Variants in DPY19L4 observed in about 807,000 individuals in gnomAD.
DPY19L4 encodes the protein probable C-mannosyltransferase DPY19L4.
In DPY19L4, 97 loss-of-function variants were observed where a neutral mutation model predicts 102.8. That is an observed-to-expected ratio of 0.94 (90% CI 0.80 to 1.12). The LOEUF (loss-of-function observed/expected upper bound fraction) is 1.12. Among genes scored for constraint, DPY19L4 ranks in the 50% most tolerant of loss-of-function variants. DPY19L4 has a pLI of 0.00. For missense variants in DPY19L4, 815 were observed against 850.4 expected (o/e 0.96, Z 0.52); for synonymous variants, 252 against 283.1 (o/e 0.89, Z 1.10).
intron 13 of DPY19L4, among the ~76,000 whole-genome samples, chr8:94,771,688 G>A (rs921684451): frequency 6.6e-6 from 1 of 152,226 alleles, no homozygotes; most frequent in Non-Finnish European, 1.5e-5. Flanking sequence ...TGCAGGTAGA[G>A]GGAATGGCAT....
intron 1 of DPY19L4, among the ~76,000 whole-genome samples, chr8:94,721,382 A>G (rs1290597538): frequency 6.6e-6 from 1 of 152,216 alleles, no homozygotes; most frequent in Non-Finnish European, 1.5e-5. Flanking sequence ...CTTGGTTCAT[A>G]TTTGTTTCCA....
At chr8:94,765,927 A>G (rs1812654604) in intron 10 of DPY19L4, 118 bp downstream of exon 10, 2 of 623,162 alleles carry the variant, frequency 3.2e-6, no homozygotes. Context: ...TATAATTTTG[A>G]GTTAAACAAC....
intron 7 of DPY19L4, among the ~76,000 whole-genome samples, chr8:94,758,027 G>A (rs1586370594): frequency 6.6e-6 from 1 of 151,962 alleles, no homozygotes; most frequent in African/African-American, 2.4e-5. Flanking sequence ...TGGGAGAATC[G>A]CTTGAACCCG....
intron 5 of DPY19L4, 42 bp from the exon 6 acceptor site, chr8:94,739,603 G>A (rs1563579738): frequency 1.2e-6 from 2 of 1,605,268 alleles, no homozygotes; most frequent in Non-Finnish European, 1.7e-6. Context: ...ATTATTTAAT[G>A]CCATCCTATT....
intron 6 of DPY19L4, among the ~76,000 whole-genome samples, chr8:94,745,598 G>T (rs1811636749): frequency 6.6e-6 from 1 of 152,118 alleles, no homozygotes; most frequent in Non-Finnish European, 1.5e-5. Flanking sequence ...TGATTCTGTG[G>T]TGATGATGTT....
intron 2 of DPY19L4, among the ~76,000 whole-genome samples, chr8:94,728,650 C>T (rs1005166589): frequency 1.3e-5 from 2 of 152,188 alleles, no homozygotes; most frequent in Non-Finnish European, 2.9e-5. Context: ...TATATTATAT[C>T]ATGACAAAAC....
chr8:94,726,646 C>T (rs1810701584), intron 2 of DPY19L4, among the ~76,000 whole-genome samples: 1 of 152,124 alleles, frequency 6.6e-6, no homozygotes, highest in South Asian at 2.1e-4. Context: ...TGCAGTTTGG[C>T]TGTCGTAGTT....
At chr8:94,738,268 G>C in intron 3 of DPY19L4, 101 bp from the exon 4 acceptor site, 3 of 352,504 alleles carry the variant, frequency 8.5e-6, no homozygotes, top group Non-Finnish European at 1.3e-5. Context: ...GCAGTGAGCC[G>C]AGATCGCGCC....
At chr8:94,761,332 C>T (rs928560726) in intron 7 of DPY19L4, among the ~76,000 whole-genome samples, 4 of 152,158 alleles carry the variant, frequency 2.6e-5, no homozygotes, top group African/African-American at 9.7e-5. Context: ...GTTGCCTCCC[C>T]AATAACAAAA....
chr8:94,752,585 CAAAAAAAAA>C (rs370640228), intron 6 of DPY19L4, among the ~76,000 whole-genome samples: 23,336 of 80,434 alleles, frequency 0.29, 2,899 homozygotes, highest in African/African-American at 0.42. Context: ...GACTCCATCT[CAAAAAAAAA>C]AAAAAAAAAA....
intron 2 of DPY19L4, among the ~76,000 whole-genome samples, chr8:94,732,529 C>T (rs561251359): frequency 6.6e-6 from 1 of 151,966 alleles, no homozygotes; most frequent in Admixed American, 6.6e-5. Flanking sequence ...CCTGTCTCTA[C>T]AAAAATAAAA....
intron 13 of DPY19L4, among the ~76,000 whole-genome samples, chr8:94,774,754 T>C (rs1198697303): frequency 6.6e-6 from 1 of 152,016 alleles, no homozygotes; most frequent in East Asian, 1.9e-4. Context: ...ATTTTGTATT[T>C]TTAGTAAAGA....
chr8:94,734,532 T>C, intron 2 of DPY19L4, 98 bp from the exon 3 acceptor site: 1 of 1,280,394 alleles, frequency 7.8e-7, no homozygotes, highest in Non-Finnish European at 1.1e-6. Flanking sequence ...GAGTTGTGGG[T>C]TTTGGGGACA....
chr8:94,727,758 G>T (rs1810753770), intron 2 of DPY19L4, among the ~76,000 whole-genome samples: 1 of 152,002 alleles, frequency 6.6e-6, no homozygotes, highest in African/African-American at 2.4e-5. Flanking sequence ...TTTTTACTGG[G>T]GGCTGGTCAT....
Position 94,768,426 on chromosome 8 carries a change from G to T in DPY19L4, c.1207G>T (p.Glu403Ter). 1 of 1,604,128 alleles carries T rather than the reference G, an allele frequency of 6.2e-7. No homozygotes were observed. Among genetic ancestry groups the T allele is most frequent in the Non-Finnish European group, 8.5e-7 (1 of 1,177,452 alleles). The change falls in exon 12 of 19, where the codon GAA becomes TAA. Residue 403 changes from glutamate to a stop codon, truncating the protein, a stop_gained. Coordinates refer to ENST00000414645, the MANE Select transcript of DPY19L4 (RefSeq NM_181787.3). LOFTEE classifies it high-confidence loss of function. ...TACAATGAATTGGCTCCTCTGTCAA[G>T]AATCCCTGCAGGCACCATCTCAAGA... ...NFTMNWLLCQ[E>*]SLQAPSQDFF...
intron 6 of DPY19L4, among the ~76,000 whole-genome samples, chr8:94,751,484 CTTATTTAT>C (rs561967857): frequency 1.3e-5 from 2 of 149,986 alleles, no homozygotes; most frequent in South Asian, 4.3e-4. Context: ...TGTCTGGTTT[CTTATTTAT>C]TTATTTATTT....
Position 94,751,713 on chromosome 8 carries a change from C to T in DPY19L4, c.612-4323C>T, listed in dbSNP as rs144894424. On this transcript the variant is annotated intron_variant, in intron 6 of 18. Transcript: ENST00000414645. ...CCATGTTGCCCAGGCTGATCTCGAA[C>T]TCCTGGGCTCAAACGATTCAGACGC... Among the ~76,000 whole-genome samples, 227 of 151,882 alleles carry T rather than the reference C, an allele frequency of 1.5e-3. 1 individual carries two copies. The highest frequency in any genetic ancestry group is 5.2e-3 in the African/African-American group (216 of 41,402).
At chr8:94,727,971 T>C (rs932790939) in intron 2 of DPY19L4, among the ~76,000 whole-genome samples, 1 of 152,166 alleles carries the variant, frequency 6.6e-6, no homozygotes, top group African/African-American at 2.4e-5. Context: ...CTTTTTCTTT[T>C]TTTTTCTTGA....
At chr8:94,737,665 C>A (rs1811245957) in intron 3 of DPY19L4, among the ~76,000 whole-genome samples, 1 of 151,698 alleles carries the variant, frequency 6.6e-6, no homozygotes, top group Non-Finnish European at 1.5e-5. Flanking sequence ...TGCCTGTAGT[C>A]CCAGCTACTT....
Sources: gnomAD v4.1 joint callset for allele counts (sites outside exome capture counted in the v4.1 genomes callset) on GRCh38, gnomAD v4.1.1 for gene constraint, MANE v1.5 for transcripts, NCBI Gene and HGNC (gene_info 2026-07-23, HGNC 2026-07-21) for gene names.